The following FAM114A2 variants were observed in gnomAD, a reference collection of about 807,000 sequenced individuals.
FAM114A2 encodes the protein family with sequence similarity 114 member A2.
Under a neutral mutation model 58.4 loss-of-function variants are expected in FAM114A2, and 53 were observed. The ratio of observed to expected loss-of-function variants is 0.91; its 90% CI spans 0.73 to 1.14. The LOEUF (loss-of-function observed/expected upper bound fraction) is 1.14. FAM114A2 is among the 50% of genes most tolerant of loss of function. The probability of loss-of-function intolerance (pLI) is 0.00; values close to 1 mark genes in which losing one functional copy is unlikely to be tolerated. For missense variants in FAM114A2, 601 were observed against 581.1 expected, an observed-to-expected ratio of 1.03 and a Z score of -0.35; for synonymous variants, 228 against 211.4, an observed-to-expected ratio of 1.08 and a Z score of -0.68.
At chr5:154,026,881 TAA>T (rs369405624) in intron 7 of FAM114A2, among the ~76,000 whole-genome samples, 5 of 132,798 alleles carry the variant, frequency 3.8e-5, no homozygotes, top group Non-Finnish European at 3.2e-5. Flanking sequence ...CCAAAGAAAC[TAA>T]AAAAAAAAAA....
chr5:154,030,072 T>C (rs1308051018), intron 4 of FAM114A2, among the ~76,000 whole-genome samples: 1 of 152,206 alleles, frequency 6.6e-6, no homozygotes, highest in Non-Finnish European at 1.5e-5. Context: ...ATAATCACAG[T>C]GTACTATGAT....
In FAM114A2 at chr5:154,027,199, G is replaced by A; in HGVS notation, c.766C>T (p.Leu256Phe). Residue 256 changes from leucine (L) to phenylalanine (F), a missense_variant, in exon 7 of 14, where the codon CTT becomes TTT. By Grantham distance (22) the Leu-to-Phe change is conservative. Coordinates refer to ENST00000351797, the MANE Select transcript of FAM114A2 (RefSeq NM_018691.4). ...GLSHLEALEM[L>F]SQESEIKVKS... ...ACCTTTATTTCACTTTCTTGGGAAA[G>A]CATCTCCAGAGCTTCTAGATGTGAA... 6.2e-7 allele frequency: 1 copy of A among 1,610,064 alleles called. No individual in the cohort carries two copies. Among genetic ancestry groups the A allele is most frequent in the South Asian group, 1.1e-5 (1 of 90,096 alleles).
In FAM114A2 at chr5:153,991,552, A is replaced by C. The variant is rs1009259286; in HGVS notation, c.*1424T>G. On this transcript the variant is annotated 3_prime_UTR_variant, in exon 14 of 14. Transcript: ENST00000351797. ...GATCATATTAAGACAGAATATAGGC[A>C]GAGTAACATTGTAGTGCTGTTGGTA... 3 of 152,236 alleles carry C rather than the reference A, an allele frequency of 2.0e-5. No homozygotes were observed. The highest frequency in any genetic ancestry group is 4.4e-5 in the Non-Finnish European group (3 of 68,042). The allele number at this position is 152,236 out of a possible 1,614,324, so 9.4% of individuals were successfully genotyped here.
chr5:153,994,976 G>T lies in FAM114A2; in HGVS notation c.1330-4C>A. On this transcript the variant is annotated splice_region_variant and splice_polypyrimidine_tract_variant and intron_variant, in intron 12 of 13. Coordinates refer to ENST00000351797, the MANE Select transcript of FAM114A2 (RefSeq NM_018691.4). The stretch of plus-strand genomic sequence containing the variant: ...GGACATCTGCCATTTCTTTGACCTG[G>T]AATAACGAATACATTTTTAAGTGAG... The T allele has an allele frequency of 1.2e-6, 2 of 1,600,746 alleles. No homozygotes were observed. The highest frequency in any genetic ancestry group is 1.7e-6 in the Non-Finnish European group (2 of 1,168,108).
intron 8 of FAM114A2, among the ~76,000 whole-genome samples, chr5:154,026,138 G>T (rs189716550): frequency 6.6e-6 from 1 of 152,162 alleles, no homozygotes; most frequent in Non-Finnish European, 1.5e-5. Context: ...GATGTGAGTT[G>T]CAAGATTAGA....
intron 8 of FAM114A2, among the ~76,000 whole-genome samples, chr5:154,017,304 T>C (rs1771103078): frequency 6.6e-6 from 1 of 152,072 alleles, no homozygotes; most frequent in Non-Finnish European, 1.5e-5. Context: ...TAGCCAGGCG[T>C]GGTGGCACAT....
chr5:154,014,322 A>G (rs1306592691), intron 8 of FAM114A2, among the ~76,000 whole-genome samples: 1 of 152,220 alleles, frequency 6.6e-6, no homozygotes, highest in South Asian at 2.1e-4. Flanking sequence ...TTCAGGTCCC[A>G]CTTGGATGGA....
intron 8 of FAM114A2, 23 bp downstream of exon 8, chr5:154,026,376 C>G: frequency 6.5e-7 from 1 of 1,527,980 alleles, no homozygotes; most frequent in African/African-American, 1.4e-5. Flanking sequence ...CCTCTCCACT[C>G]AGATACTAAA....
chr5:154,000,044 C>T (rs1330102004), intron 11 of FAM114A2, among the ~76,000 whole-genome samples: 1 of 152,076 alleles, frequency 6.6e-6, no homozygotes, highest in Non-Finnish European at 1.5e-5. Flanking sequence ...TCATTTGCAG[C>T]AACATGGATA....
intron 13 of FAM114A2, among the ~76,000 whole-genome samples, chr5:153,993,686 T>G (rs1412361336): frequency 6.6e-6 from 1 of 152,162 alleles, no homozygotes; most frequent in East Asian, 1.9e-4. Flanking sequence ...TGGACTTCAT[T>G]TATACTGAAA....
rs1561580478 is a variant in FAM114A2, at chr5:154,034,983, C to A, written c.-14-16G>T. 7 of 1,487,976 alleles carry A rather than the reference C, an allele frequency of 4.7e-6. No individual in the cohort carries two copies. The Admixed American group carries it at 6.4e-5, about 14-fold the overall frequency. 92.2% of individuals were successfully genotyped at this position (1,487,976 alleles called of 1,614,324 possible). A position where few individuals can be genotyped will look rare whatever the true frequency, so the allele number is the denominator to read the frequency against. ...AGAACATCAGCTGGTAAAATGAAAGCCCAAAAAAAATTTATATAGGCTTCT... is the reference window on the plus strand; with the variant it reads ...AGAACATCAGCTGGTAAAATGAAAGACCAAAAAAAATTTATATAGGCTTCT... On this transcript the variant is annotated splice_polypyrimidine_tract_variant and intron_variant, in intron 1 of 13. Transcript: ENST00000351797.
intron 8 of FAM114A2, among the ~76,000 whole-genome samples, chr5:154,012,003 T>C (rs964666539): frequency 3.3e-5 from 5 of 152,180 alleles, no homozygotes; most frequent in African/African-American, 4.8e-5. Flanking sequence ...TGAATGGTTT[T>C]AAGCAGAAAC....
intron 9 of FAM114A2, among the ~76,000 whole-genome samples, chr5:154,006,139 T>C (rs977957347): frequency 1.3e-5 from 2 of 152,130 alleles, no homozygotes; most frequent in Admixed American, 6.6e-5. Flanking sequence ...AAATGCAAAG[T>C]GTGTAGGCAA....
chr5:154,014,515 T>C (rs1770897690), intron 8 of FAM114A2, among the ~76,000 whole-genome samples: 1 of 152,204 alleles, frequency 6.6e-6, no homozygotes, highest in Admixed American at 6.5e-5. Flanking sequence ...GGAGATCATC[T>C]ACCCCAGAAC....
chr5:154,026,184 G>GC (rs1160688175), intron 8 of FAM114A2: 1 of 296,544 alleles, frequency 3.4e-6, no homozygotes, highest in Non-Finnish European at 6.2e-6. Context: ...TTGGAAGGAG[G>GC]CAGGGAGACA....
intron 8 of FAM114A2, among the ~76,000 whole-genome samples, chr5:154,014,426 G>A (rs1393093896): frequency 1.3e-5 from 2 of 152,128 alleles, no homozygotes; most frequent in African/African-American, 4.8e-5. Context: ...TATACCCTCT[G>A]AAGGAAGTGG....
intron 13 of FAM114A2, among the ~76,000 whole-genome samples, chr5:153,994,136 T>G (rs1461965618): frequency 6.6e-6 from 1 of 152,198 alleles, no homozygotes; most frequent in Non-Finnish European, 1.5e-5. Flanking sequence ...TGATTAAAAC[T>G]GTGTAATTAA....
chr5:154,007,043 C>G (rs533423130), intron 9 of FAM114A2, among the ~76,000 whole-genome samples: 2 of 152,244 alleles, frequency 1.3e-5, no homozygotes, highest in Admixed American at 1.3e-4. Flanking sequence ...GATCTACCCA[C>G]CTTGGCCTCC....
intron 11 of FAM114A2, among the ~76,000 whole-genome samples, chr5:153,999,297 G>C (rs1769807530): frequency 6.6e-6 from 1 of 152,102 alleles, no homozygotes; most frequent in Admixed American, 6.5e-5. Context: ...CAAGACCACA[G>C]TGAGCTATCA....
Sources: allele counts gnomAD v4.1 joint callset (sites outside exome capture counted in the v4.1 genomes callset), GRCh38; gene constraint gnomAD v4.1.1; transcripts MANE v1.5; gene names NCBI Gene and HGNC (gene_info 2026-07-23, HGNC 2026-07-21).